DCC: variants seen among roughly 807,000 people sequenced by gnomAD.
DCC encodes the protein DCC netrin 1 receptor.
Under a neutral mutation model 172.5 loss-of-function variants are expected in DCC, and 58 were observed. That is an observed-to-expected ratio of 0.34 (90% CI 0.27 to 0.42). The LOEUF (loss-of-function observed/expected upper bound fraction) is 0.42. Ranked by LOEUF, DCC falls within the 10% of genes least tolerant of loss-of-function variation. DCC has a pLI of 1.00. For missense variants in DCC, 1,740 were observed against 1,791.0 expected, an observed-to-expected ratio of 0.97 and a Z score of 0.51; for synonymous variants, 709 against 644.5, an observed-to-expected ratio of 1.10 and a Z score of -1.52.
intron 1 of DCC, among the ~76,000 whole-genome samples, chr18:52,397,431 G>C (rs946560792): frequency 1.3e-5 from 2 of 152,014 alleles, no homozygotes; most frequent in Non-Finnish European, 1.5e-5. Flanking sequence ...AGCATTCGCT[G>C]ACTGCACAGA....
intron 2 of DCC, among the ~76,000 whole-genome samples, chr18:52,848,503 A>T (rs2038929778): frequency 6.6e-6 from 1 of 152,190 alleles, no homozygotes; most frequent in Non-Finnish European, 1.5e-5. Context: ...TGCATTTTGG[A>T]ATCATATCAA....
intron 1 of DCC, among the ~76,000 whole-genome samples, chr18:52,377,799 C>A (rs376735769): frequency 7.9e-5 from 12 of 151,418 alleles, no homozygotes; most frequent in East Asian, 5.8e-4. Flanking sequence ...TTCTGCCTCC[C>A]GGGTTCAAGC....
At chr18:53,198,614 A>C (rs1331614038) in intron 9 of DCC, among the ~76,000 whole-genome samples, 2 of 152,172 alleles carry the variant, frequency 1.3e-5, no homozygotes, top group African/African-American at 4.8e-5. Context: ...GTTATACTAT[A>C]AATTTTTATA....
chr18:52,837,652 C>G (rs112049267), intron 2 of DCC, among the ~76,000 whole-genome samples: 9,770 of 152,224 alleles, frequency 0.064, 296 homozygotes, highest in East Asian at 0.076. Context: ...TCCAAACTTT[C>G]CCATATTTTC....
chr18:52,480,880 G>A (rs2119840), intron 1 of DCC, among the ~76,000 whole-genome samples: 19,971 of 151,650 alleles, frequency 0.13, 1,332 homozygotes, highest in South Asian at 0.21. Context: ...CTAAACTCCA[G>A]GCCTCCTTTT....
chr18:53,173,906 C>T (rs1445837593), intron 8 of DCC, among the ~76,000 whole-genome samples: 1 of 113,652 alleles, frequency 8.8e-6, no homozygotes, highest in Non-Finnish European at 1.8e-5. Context: ...ACACCTATTC[C>T]AAAATTGACC....
chr18:53,135,532 G>A (rs908155247), intron 7 of DCC, among the ~76,000 whole-genome samples: 8 of 152,104 alleles, frequency 5.3e-5, no homozygotes, highest in Non-Finnish European at 8.8e-5. Flanking sequence ...AAGTGTTGCT[G>A]GTAATTCTTC....
At chr18:53,378,960 A>C (rs1907518298) in intron 15 of DCC, among the ~76,000 whole-genome samples, 1 of 152,258 alleles carries the variant, frequency 6.6e-6, no homozygotes, top group Admixed American at 6.5e-5. Context: ...ATATGTAATG[A>C]AGTAGAATTG....
intron 7 of DCC, among the ~76,000 whole-genome samples, chr18:53,144,224 G>T (rs1267569061): frequency 6.6e-6 from 1 of 152,106 alleles, no homozygotes; most frequent in Non-Finnish European, 1.5e-5. Context: ...TCATGTAGAA[G>T]TTTTTGTTTC....
Position 52,658,837 on chromosome 18 carries a change from T to C in DCC, c.92-93217T>C, listed in dbSNP as rs551342792. Among the ~76,000 whole-genome samples, 4 of 152,298 alleles carry C rather than the reference T, an allele frequency of 2.6e-5. No homozygotes were observed. The South Asian group carries it at 8.3e-4, about 32-fold the overall frequency. On this transcript the variant is annotated intron_variant, in intron 1 of 28. Transcript: ENST00000442544. The stretch of plus-strand genomic sequence containing the variant: ...ATCAGATTATATTTCTGTTGATATT[T>C]AAATTTTCATGTGAAGTTTACAGTC...
At chr18:53,067,667 A>G (rs2042592842) in intron 7 of DCC, among the ~76,000 whole-genome samples, 1 of 152,232 alleles carries the variant, frequency 6.6e-6, no homozygotes, top group Non-Finnish European at 1.5e-5. Flanking sequence ...AAAGAAGTTT[A>G]AAACAGGGAC....
chr18:52,706,576 A>G (rs1187394257), intron 1 of DCC, among the ~76,000 whole-genome samples: 2 of 152,166 alleles, frequency 1.3e-5, no homozygotes, highest in Non-Finnish European at 2.9e-5. Context: ...TTCACCTCAA[A>G]GCAGAGCATT....
chr18:52,984,927 A>G (rs893072190), intron 5 of DCC, among the ~76,000 whole-genome samples: 2 of 152,124 alleles, frequency 1.3e-5, no homozygotes, highest in African/African-American at 4.8e-5. Context: ...GAATTTTAAA[A>G]TGACATTTTA....
At chr18:53,008,336 C>T (rs902129998) in intron 5 of DCC, among the ~76,000 whole-genome samples, 3 of 151,958 alleles carry the variant, frequency 2.0e-5, no homozygotes, top group South Asian at 2.1e-4. Flanking sequence ...CTGTTGGTAT[C>T]TCAGTAATTT....
intron 1 of DCC, among the ~76,000 whole-genome samples, chr18:52,496,293 T>C (rs576772301): frequency 1.5e-4 from 23 of 152,266 alleles, no homozygotes; most frequent in Middle Eastern, 3.4e-3. Context: ...ATCAAGAGTA[T>C]GTACATCAAT....
At chr18:53,413,179 A>G (rs1362181535) in intron 20 of DCC, among the ~76,000 whole-genome samples, 1 of 152,158 alleles carries the variant, frequency 6.6e-6, no homozygotes, top group African/African-American at 2.4e-5. Flanking sequence ...ATTCTGGTGG[A>G]GGGAGGGAGT....
At chr18:52,800,187 A>T (rs79517777) in intron 2 of DCC, among the ~76,000 whole-genome samples, 6,243 of 152,326 alleles carry the variant, frequency 0.041, 213 homozygotes, top group South Asian at 0.16. Context: ...CTACTCAATA[A>T]GTACCTTCAG....
chr18:53,237,826 G>T (rs913807582), intron 12 of DCC, among the ~76,000 whole-genome samples: 1 of 151,964 alleles, frequency 6.6e-6, no homozygotes, highest in Non-Finnish European at 1.5e-5. Flanking sequence ...CGAGCTGCTG[G>T]CATTAAGCAT....
intron 1 of DCC, among the ~76,000 whole-genome samples, chr18:52,349,055 CTT>C (rs1162777371): frequency 6.6e-6 from 1 of 152,122 alleles, no homozygotes; most frequent in African/African-American, 2.4e-5. Context: ...AGTTAAAAAT[CTT>C]AATATGATCA....
Sources: gnomAD v4.1 joint callset for allele counts (sites outside exome capture counted in the v4.1 genomes callset) on GRCh38, gnomAD v4.1.1 for gene constraint, MANE v1.5 for transcripts, NCBI Gene and HGNC (gene_info 2026-07-23, HGNC 2026-07-21) for gene names.